SLC6A20: variants seen among roughly 807,000 people sequenced by gnomAD.
SLC6A20 encodes the protein sodium- and chloride-dependent transporter XTRP3.
In SLC6A20, 73 loss-of-function variants were observed where a neutral mutation model predicts 64.3. That is an observed-to-expected ratio of 1.14 (90% CI 0.94 to 1.38). SLC6A20 has a LOEUF of 1.38. Ranked by LOEUF, SLC6A20 falls within the 40% of genes most tolerant of loss-of-function variation. The pLI, the probability that SLC6A20 is intolerant of heterozygous loss-of-function variation, is 0.00. For synonymous variants in SLC6A20, 347 were observed against 329.6 expected (o/e 1.05, Z -0.57); for missense variants, 725 against 772.8 (o/e 0.94, Z 0.73).
At chr3:45,781,137 GT>G (rs1329413366) in intron 2 of SLC6A20, among the ~76,000 whole-genome samples, 1 of 151,788 alleles carries the variant, frequency 6.6e-6, no homozygotes, top group Non-Finnish European at 1.5e-5. Flanking sequence ...AGGAGAAACG[GT>G]TGAATCCGGG....
rs1266611600 is a variant in SLC6A20 at position 45,765,995 on chromosome 3, C to A, written c.1099-254G>T. Among the ~76,000 whole-genome samples the A allele has an allele frequency of 6.6e-6, 1 of 152,166 alleles. No homozygotes were observed. Among genetic ancestry groups the A allele is most frequent in the East Asian group, 1.9e-4 (1 of 5,202 alleles). On this transcript the variant is annotated intron_variant, in intron 7 of 10. Transcript: ENST00000358525. This position sits in a 1 kb window ranked among gnomAD's most constrained non-coding sequence, Gnocchi z 4.2. ...GCAACACTGAGTTCCCCTCTCCTGCCCCAACTTACGTACATTCTGGATGAA... is the reference window on the plus strand; with the variant it reads ...GCAACACTGAGTTCCCCTCTCCTGCACCAACTTACGTACATTCTGGATGAA...
chr3:45,772,011 A>AT, intron 5 of SLC6A20: 1 of 171,526 alleles, frequency 5.8e-6, no homozygotes, highest in African/African-American at 2.4e-5. Context: ...TAGGGACTGC[A>AT]TTTGCCAAAT....
rs1405113309 is a variant in SLC6A20, at chr3:45,765,875, T to C, written c.1099-134A>G. The C allele has an allele frequency of 1.4e-5, 13 of 911,504 alleles. No homozygotes were observed. The highest frequency in any genetic ancestry group is 2.2e-5 in the Non-Finnish European group (13 of 597,364). The allele number at this position is 911,504 out of a possible 1,614,324, so 56.5% of individuals were successfully genotyped here. A position where few individuals can be genotyped will look rare whatever the true frequency, so the allele number is the denominator to read the frequency against. On this transcript the variant is annotated intron_variant, in intron 7 of 10. Transcript: ENST00000358525. The surrounding 1 kb of genome is among the most constrained non-coding windows in gnomAD (Gnocchi z 4.2). ...ACATTGTGAGGTTGGAGCTTCCATC[T>C]GCAGATCAACCCCTTACACTCAGCT...
intron 1 of SLC6A20, among the ~76,000 whole-genome samples, chr3:45,783,789 G>C (rs921626151): frequency 1.3e-5 from 2 of 152,220 alleles, no homozygotes; most frequent in African/African-American, 4.8e-5. Context: ...TGCTCATGTG[G>C]GGGCCTAGAA....
At chr3:45,761,906 C>T (rs1379045596) in intron 9 of SLC6A20, among the ~76,000 whole-genome samples, 1 of 152,164 alleles carries the variant, frequency 6.6e-6, no homozygotes, top group African/African-American at 2.4e-5. Context: ...CTGGCCTTTC[C>T]GGGGACACAG....
Position 45,790,214 on chromosome 3 carries a change from A to G in SLC6A20, c.121+6085T>C, listed in dbSNP as rs1338498924. On this transcript the variant is annotated intron_variant, in intron 1 of 10. Coordinates refer to ENST00000358525, the MANE Select transcript of SLC6A20 (RefSeq NM_020208.4). ...ACATATCTTTTTTTCCAAAAACAAC[A>G]ACAACAAAAACAAACAAACAAACAA... The G allele has an allele frequency of 5.9e-5, 9 of 152,258 alleles. 1 individual carries two copies. In the East Asian group the frequency reaches 1.7e-3, roughly 29 times the overall value. The allele number at this position is 152,258 out of a possible 1,614,324, so 9.4% of individuals were successfully genotyped here.
rs767249469 is a variant in SLC6A20, at chr3:45,758,938, T to C, written c.*40A>G. On this transcript the variant is annotated 3_prime_UTR_variant, in exon 11 of 11. Transcript: ENST00000358525. Reference sequence around the variant, plus strand: ...CAGCCGAGGAGTTTCCGCCTGTAAATAGTATCTGTAAAACCGTGAGCGGCT... The same window carrying C: ...CAGCCGAGGAGTTTCCGCCTGTAAACAGTATCTGTAAAACCGTGAGCGGCT... The C allele has an allele frequency of 6.4e-7, 1 of 1,550,956 alleles. No individual in the cohort carries two copies. Among genetic ancestry groups the C allele is most frequent in the Non-Finnish European group, 8.7e-7 (1 of 1,147,884 alleles).
chr3:45,764,416 A>G (rs1056090231), intron 8 of SLC6A20, among the ~76,000 whole-genome samples: 1 of 152,228 alleles, frequency 6.6e-6, no homozygotes, highest in Non-Finnish European at 1.5e-5. Context: ...ATTCAGGAAC[A>G]GGAAGGCCAG....
chr3:45,775,705 T>C, intron 4 of SLC6A20, 56 bp downstream of exon 4: 1 of 1,531,000 alleles, frequency 6.5e-7, no homozygotes. Context: ...CAGCTGCCCC[T>C]TGGTGCACCC....
Position 45,757,059 on chromosome 3 carries a change from TTA to T in SLC6A20, c.*1917_*1918del, listed in dbSNP as rs1699558363. 3 of 152,060 alleles carry T rather than the reference TTA, an allele frequency of 2.0e-5. No homozygotes were observed. The highest frequency in any genetic ancestry group is 7.2e-5 in the African/African-American group (3 of 41,390). 9.4% of individuals were successfully genotyped at this position (152,060 alleles called of 1,614,324 possible). On this transcript the variant is annotated 3_prime_UTR_variant, in exon 11 of 11. Coordinates refer to ENST00000358525, the MANE Select transcript of SLC6A20 (RefSeq NM_020208.4). The stretch of plus-strand genomic sequence containing the variant: ...GCCCAGATGTGCACGTAGGCTAGAT[TTA>T]TGTTTCTCTTTACCCAAACATCTCA...
Position 45,758,176 on chromosome 3 carries a change from C to T in SLC6A20, c.*802G>A, listed in dbSNP as rs1257304162. On this transcript the variant is annotated 3_prime_UTR_variant, in exon 11 of 11. Coordinates refer to ENST00000358525, the MANE Select transcript of SLC6A20 (RefSeq NM_020208.4). ...CAAGTGATCCACCCACCTTGACCCCCAAGGTGCTAGGATTACAGGCGTGAG... is the reference window on the plus strand; with the variant it reads ...CAAGTGATCCACCCACCTTGACCCCTAAGGTGCTAGGATTACAGGCGTGAG... The T allele has an allele frequency of 5.5e-6, 1 of 181,242 alleles. No individual in the cohort carries two copies. Among genetic ancestry groups the T allele is most frequent in the Non-Finnish European group, 1.2e-5 (1 of 85,368 alleles). The allele number at this position is 181,242 out of a possible 1,614,324, so 11.2% of individuals were successfully genotyped here.
At position 45,776,078 on chromosome 3, in the gene SLC6A20, C is replaced by A. The variant is rs950831174; in HGVS notation, c.355-90G>T. 4.7e-6 allele frequency: 6 copies of A among 1,270,464 alleles called. No individual in the cohort carries two copies. The African/African-American group carries it at 5.9e-5, about 12-fold the overall frequency. 78.7% of individuals were successfully genotyped at this position (1,270,464 alleles called of 1,614,324 possible). On this transcript the variant is annotated intron_variant, in intron 3 of 10. Coordinates refer to ENST00000358525, the MANE Select transcript of SLC6A20 (RefSeq NM_020208.4). ...TGAGGGAGGTGGCCCTGAGCGGAGA[C>A]TCTTGGAAGAGAAGGGTGCTGGTCC... is the stretch of plus-strand genomic sequence containing the variant.
At chr3:45,762,785 G>T in intron 9 of SLC6A20, 128 bp downstream of exon 9, 1 of 1,265,250 alleles carries the variant, frequency 7.9e-7, no homozygotes, top group Non-Finnish European at 1.1e-6. Context: ...AAGAACAAAC[G>T]TTGAGTCATG....
Position 45,771,585 on chromosome 3 carries a change from C to G in SLC6A20, c.694-127G>C. 2.7e-6 allele frequency: 4 copies of G among 1,467,936 alleles called. No homozygotes were observed. The South Asian group carries it at 5.4e-5, about 20-fold the overall frequency. 90.9% of individuals were successfully genotyped at this position (1,467,936 alleles called of 1,614,324 possible). ...ACAGCACGCAGCCATCAGGGGCACC[C>G]CTAGGGCTGGAGACCAGCTCTCCTG... On this transcript the variant is annotated intron_variant, in intron 5 of 10. Coordinates refer to ENST00000358525, the MANE Select transcript of SLC6A20 (RefSeq NM_020208.4).
At chr3:45,771,048 T>C (rs540343291) in intron 6 of SLC6A20, among the ~76,000 whole-genome samples, 169 bp downstream of exon 6, 95 of 152,294 alleles carry the variant, frequency 6.2e-4, no homozygotes, top group Admixed American at 3.0e-3. Context: ...CAGGCAGATG[T>C]TGACATGCCC....
At chr3:45,777,107 G>GC (rs1187930515) in intron 3 of SLC6A20, among the ~76,000 whole-genome samples, 22 of 152,172 alleles carry the variant, frequency 1.4e-4, no homozygotes, top group African/African-American at 5.1e-4. Context: ...GGTTCTACAA[G>GC]CCCAGATTTA....
intron 2 of SLC6A20, among the ~76,000 whole-genome samples, chr3:45,780,604 G>C (rs1367868144): frequency 6.6e-6 from 1 of 152,210 alleles, no homozygotes; most frequent in African/African-American, 2.4e-5. Flanking sequence ...AGCCAGGAGA[G>C]GGGGTGTGAG....
chr3:45,772,610 C>G lies in SLC6A20; in HGVS notation c.588G>C (p.Val196=), dbSNP rs772958155. 6.2e-7 allele frequency: 1 copy of G among 1,613,196 alleles called. No individual in the cohort carries two copies. Among genetic ancestry groups the G allele is most frequent in the Admixed American group, 1.7e-5 (1 of 59,938 alleles). The change falls in exon 5 of 11, where the codon GTG becomes GTC. Residue 196 remains valine, a synonymous_variant. Transcript: ENST00000358525. ...LRGTESTGKV[V]YFTASLPYCV... The stretch of plus-strand genomic sequence containing the variant: ...AATAGGGCAGTGACGCCGTGAAATA[C>G]ACCACCTGCGGGCATCAGAGGGCAG...
At position 45,765,685 on chromosome 3, in the gene SLC6A20, CAT is replaced by C; in HGVS notation, c.1153_1154del (p.Met385GlyfsTer73). 6.2e-7 allele frequency: 1 copy of C among 1,614,220 alleles called. No homozygotes were observed. The highest frequency in any genetic ancestry group is 8.5e-7 in the Non-Finnish European group (1 of 1,180,038). On this transcript the variant is annotated frameshift_variant, in exon 8 of 11. Coordinates refer to ENST00000358525, the MANE Select transcript of SLC6A20 (RefSeq NM_020208.4). LOFTEE classifies it high-confidence loss of function. The surrounding 1 kb of genome is among the most constrained non-coding windows in gnomAD (Gnocchi z 4.2). ...FIVYTEAIKN[M>X]EVSQLWSVLY... ...GCACCGACCACAGCTGGGACACCTC[CAT>C]GTTTTTAATGGCCTCTGTGTAGACG...
Sources: allele counts gnomAD v4.1 joint callset (sites outside exome capture counted in the v4.1 genomes callset), GRCh38; gene constraint gnomAD v4.1.1; non-coding constraint Gnocchi (gnomAD v3.1); transcripts MANE v1.5; gene names NCBI Gene and HGNC (gene_info 2026-07-23, HGNC 2026-07-21).